CTNNA2: variants seen among roughly 807,000 people sequenced by gnomAD.
The protein encoded by CTNNA2 is catenin alpha-2.
Under a neutral mutation model 101.0 loss-of-function variants are expected in CTNNA2, and 42 were observed. The ratio of observed to expected loss-of-function variants is 0.42; its 90% CI spans 0.32 to 0.54. The LOEUF is 0.54. CTNNA2 is among the 20% of genes least tolerant of loss of function. The pLI is 0.14. For missense variants in CTNNA2, 871 were observed against 1,223.1 expected (o/e 0.71, Z 4.29); for synonymous variants, 450 against 456.4 (o/e 0.99, Z 0.18).
intron 3 of CTNNA2, among the ~76,000 whole-genome samples, chr2:79,776,646 G>C (rs954545174): frequency 3.9e-5 from 6 of 152,228 alleles, no homozygotes; most frequent in African/African-American, 1.2e-4. Flanking sequence ...TCACTGGCTT[G>C]TTAATCATAT....
intron 2 of CTNNA2, among the ~76,000 whole-genome samples, chr2:79,210,495 A>T (rs1674157968): frequency 6.6e-6 from 1 of 152,054 alleles, no homozygotes; most frequent in Non-Finnish European, 1.5e-5. Context: ...TGTGTGTGAG[A>T]GAGGTGAGGA....
intron 3 of CTNNA2, among the ~76,000 whole-genome samples, chr2:79,787,396 A>AG (rs1274253409): frequency 6.6e-6 from 1 of 152,094 alleles, no homozygotes; most frequent in Non-Finnish European, 1.5e-5. Context: ...AGACACAGGG[A>AG]GGAGTAGTAA....
At chr2:80,453,535 G>A (rs531700917) in intron 9 of CTNNA2, among the ~76,000 whole-genome samples, 2 of 151,998 alleles carry the variant, frequency 1.3e-5, no homozygotes, top group African/African-American at 4.8e-5. Flanking sequence ...ATTCGCTCAC[G>A]TAATTCTGTT....
intron 7 of CTNNA2, among the ~76,000 whole-genome samples, chr2:80,241,598 T>C (rs1328766400): frequency 6.6e-6 from 1 of 150,766 alleles, no homozygotes; most frequent in Non-Finnish European, 1.5e-5. Context: ...TATCTATCTA[T>C]CTATCTATCT....
At chr2:79,818,502 A>G (rs1368147642) in intron 3 of CTNNA2, among the ~76,000 whole-genome samples, 1 of 150,870 alleles carries the variant, frequency 6.6e-6, no homozygotes, top group African/African-American at 2.4e-5. Flanking sequence ...TTTTTAGTAG[A>G]GACGGGGTTT....
At chr2:80,331,297 A>G (rs1486373524) in intron 7 of CTNNA2, among the ~76,000 whole-genome samples, 1 of 152,152 alleles carries the variant, frequency 6.6e-6, no homozygotes, top group Non-Finnish European at 1.5e-5. Context: ...TGTCTCTCAA[A>G]TTCTCTTGCC....
rs372072591 is a variant in CTNNA2 at position 80,608,303 on chromosome 2, G to A, written c.2415G>A (p.Glu805=). The A allele has an allele frequency of 1.2e-6, 2 of 1,609,354 alleles. No homozygotes were observed. Among genetic ancestry groups the A allele is most frequent in the African/African-American group, 2.7e-5 (2 of 74,680 alleles). Residue 805 remains glutamate (E), a synonymous_variant, in exon 17 of 19, where the codon GAG becomes GAA. Coordinates refer to ENST00000402739, the MANE Select transcript of CTNNA2 (RefSeq NM_001282597.3). ...CAGAAGTGCAGAATCTGGGAGGAGA[G>A]CTCATTGTGTCAGGGGTAAGCTGGA... is the stretch of plus-strand genomic sequence containing the variant. ...VKAEVQNLGG[E]LIVSGTGVQS...
At chr2:79,470,755 C>T (rs2104546551) in intron 4 of CTNNA2, among the ~76,000 whole-genome samples, 1 of 152,258 alleles carries the variant, frequency 6.6e-6, no homozygotes, top group South Asian at 2.1e-4. Context: ...AATTGAGTTG[C>T]AGATATTTCT....
chr2:80,229,967 A>G (rs1709101062), intron 7 of CTNNA2, among the ~76,000 whole-genome samples: 1 of 152,034 alleles, frequency 6.6e-6, no homozygotes, highest in African/African-American at 2.4e-5. Context: ...ACAATACCCT[A>G]TTTTTACTGT....
chr2:80,035,236 C>T (rs1695571538), intron 7 of CTNNA2, among the ~76,000 whole-genome samples: 1 of 152,098 alleles, frequency 6.6e-6, no homozygotes, highest in Non-Finnish European at 1.5e-5. Context: ...AACATATGTT[C>T]ATACTTGCAG....
intron 12 of CTNNA2, among the ~76,000 whole-genome samples, chr2:80,565,471 G>T (rs189997205): frequency 1.3e-5 from 2 of 152,056 alleles, no homozygotes; most frequent in East Asian, 3.9e-4. Context: ...CCAACTTCCC[G>T]GTTTTCAGAT....
At chr2:79,713,312 G>A (rs1685860970) in intron 2 of CTNNA2, among the ~76,000 whole-genome samples, 1 of 152,148 alleles carries the variant, frequency 6.6e-6, no homozygotes, top group East Asian at 1.9e-4. Context: ...CGGGAACTGT[G>A]GCTTATGCCT....
At chr2:79,485,924 T>G (rs907478663) in intron 4 of CTNNA2, among the ~76,000 whole-genome samples, 1 of 152,166 alleles carries the variant, frequency 6.6e-6, no homozygotes. Flanking sequence ...AAAAAAATAT[T>G]TAACTCAGAG....
At chr2:80,121,996 C>T (rs1162171582) in intron 7 of CTNNA2, among the ~76,000 whole-genome samples, 3 of 152,110 alleles carry the variant, frequency 2.0e-5, no homozygotes, top group Non-Finnish European at 4.4e-5. Flanking sequence ...TTGCCACAGC[C>T]TAGCACTCAG....
At chr2:80,457,344 G>T (rs1051341871) in intron 9 of CTNNA2, among the ~76,000 whole-genome samples, 1 of 152,042 alleles carries the variant, frequency 6.6e-6, no homozygotes, top group Admixed American at 6.6e-5. Flanking sequence ...GATTACAGGC[G>T]TGAGTCACTG....
rs140753488 is a variant in CTNNA2 at position 80,386,083 on chromosome 2, G to A, written c.1057-7128G>A. On this transcript the variant is annotated intron_variant, in intron 7 of 18. Transcript: ENST00000402739. ...CATATCCTGATATTGCTCTACTATC[G>A]GATAGGGCCTGGTAGTCTCACCAAT... Among the ~76,000 whole-genome samples the A allele has an allele frequency of 1.8e-4, 28 of 152,160 alleles. No individual in the cohort carries two copies. In the East Asian group the frequency reaches 5.0e-3, roughly 27 times the overall value.
At position 80,208,652 on chromosome 2, in the gene CTNNA2, G is replaced by A. The variant is rs117838540; in HGVS notation, c.1057-184559G>A. On this transcript the variant is annotated intron_variant, in intron 7 of 18. Coordinates refer to ENST00000402739, the MANE Select transcript of CTNNA2 (RefSeq NM_001282597.3). ...AGAGCATTTAGGGCTGAGACCTCGC[G>A]TACCATCCCTAAGGATCCAGGCCTC... Among the ~76,000 whole-genome samples, 124 of 152,164 alleles carry A rather than the reference G, an allele frequency of 8.1e-4. 3 individuals are homozygous for A. The East Asian group carries it at 0.019, about 24-fold the overall frequency.
chr2:79,327,249 T>G (rs2104414864), intron 3 of CTNNA2, among the ~76,000 whole-genome samples: 1 of 152,306 alleles, frequency 6.6e-6, no homozygotes, highest in African/African-American at 2.4e-5. Context: ...GCCAGTATTT[T>G]ATATTATTGG....
At chr2:79,408,444 T>A (rs1678365500) in intron 4 of CTNNA2, among the ~76,000 whole-genome samples, 1 of 135,910 alleles carries the variant, frequency 7.4e-6, no homozygotes, top group Non-Finnish European at 1.6e-5. Context: ...CCTAATGCTA[T>A]CCCTCCCCCC....
Sources: allele counts gnomAD v4.1 joint callset (sites outside exome capture counted in the v4.1 genomes callset), GRCh38; gene constraint gnomAD v4.1.1; transcripts MANE v1.5; gene names NCBI Gene and HGNC (gene_info 2026-07-23, HGNC 2026-07-21).